The following EXT1 variants were observed in gnomAD, a reference collection of about 807,000 sequenced individuals.
The protein encoded by EXT1 is exostosin-1.
EXT1 carries 20 observed loss-of-function variants against 82.5 expected under a neutral mutation model. The observed-to-expected ratio is 0.24, with a 90% confidence interval of 0.17 to 0.35. The LOEUF (loss-of-function observed/expected upper bound fraction) is 0.35. EXT1 is among the 10% of genes least tolerant of loss of function. EXT1 has a pLI of 1.00. For missense variants in EXT1, 757 were observed against 936.5 expected, an observed-to-expected ratio of 0.81 and a Z score of 2.50; for synonymous variants, 348 against 350.8, an observed-to-expected ratio of 0.99 and a Z score of 0.09.
intron 1 of EXT1, among the ~76,000 whole-genome samples, chr8:117,889,603 G>A (rs2129939743): frequency 6.6e-6 from 1 of 152,274 alleles, no homozygotes; most frequent in South Asian, 2.1e-4. Flanking sequence ...TGATATGCAA[G>A]TACCTAAAGG....
chr8:117,983,889 C>G (rs1259149511), intron 1 of EXT1, among the ~76,000 whole-genome samples: 1 of 152,216 alleles, frequency 6.6e-6, no homozygotes, highest in African/African-American at 2.4e-5. Flanking sequence ...ATCTCTCTGA[C>G]TACCCTGTTT....
At chr8:118,003,017 A>G (rs897342667) in intron 1 of EXT1, among the ~76,000 whole-genome samples, 1 of 152,096 alleles carries the variant, frequency 6.6e-6, no homozygotes, top group African/African-American at 2.4e-5. Flanking sequence ...AATGTTTTAT[A>G]TGTGTATATA....
chr8:117,863,261 C>T (rs921552867), intron 1 of EXT1, among the ~76,000 whole-genome samples: 3 of 116,780 alleles, frequency 2.6e-5, no homozygotes, highest in Non-Finnish European at 6.3e-5. Flanking sequence ...GTGACTTGCC[C>T]CCAGACACAC....
chr8:117,869,389 T>A (rs796105991), intron 1 of EXT1, among the ~76,000 whole-genome samples: 6 of 152,344 alleles, frequency 3.9e-5, no homozygotes, highest in African/African-American at 1.4e-4. Context: ...GCTAAGGGGC[T>A]GGCAGACAGG....
chr8:118,075,078 T>A (rs1817183031), intron 1 of EXT1, among the ~76,000 whole-genome samples: 1 of 152,212 alleles, frequency 6.6e-6, no homozygotes, highest in African/African-American at 2.4e-5. Flanking sequence ...CTCCTACAAT[T>A]TTTTGTCTCA....
At chr8:118,033,369 T>C (rs1816367163) in intron 1 of EXT1, among the ~76,000 whole-genome samples, 2 of 152,242 alleles carry the variant, frequency 1.3e-5, no homozygotes, top group South Asian at 4.1e-4. Context: ...ATGTACATAC[T>C]GTGTTCAGAT....
intron 1 of EXT1, among the ~76,000 whole-genome samples, chr8:117,976,686 G>A (rs1440807360): frequency 6.6e-6 from 1 of 152,148 alleles, no homozygotes; most frequent in African/African-American, 2.4e-5. Context: ...AAATTCATAC[G>A]GTTGCACATT....
At chr8:117,913,116 G>T (rs1458542346) in intron 1 of EXT1, among the ~76,000 whole-genome samples, 1 of 152,120 alleles carries the variant, frequency 6.6e-6, no homozygotes, top group African/African-American at 2.4e-5. Context: ...CAGCTACTTG[G>T]AAGGCTGAGG....
At chr8:117,808,095 G>C (rs971021602) in intron 8 of EXT1, among the ~76,000 whole-genome samples, 1 of 152,150 alleles carries the variant, frequency 6.6e-6, no homozygotes, top group African/African-American at 2.4e-5. Flanking sequence ...GCCCAAAGCA[G>C]GTGCTTCTGA....
chr8:117,936,181 C>A (rs191082939), intron 1 of EXT1, among the ~76,000 whole-genome samples: 2 of 152,296 alleles, frequency 1.3e-5, no homozygotes, highest in African/African-American at 4.8e-5. Flanking sequence ...TCCATGTTCT[C>A]CTCACCAACA....
At chr8:118,018,143 A>G (rs567045729) in intron 1 of EXT1, among the ~76,000 whole-genome samples, 33 of 152,324 alleles carry the variant, frequency 2.2e-4, no homozygotes, top group African/African-American at 7.7e-4. Context: ...TGCAAAATTC[A>G]TAAGTTGAAG....
intron 1 of EXT1, among the ~76,000 whole-genome samples, chr8:117,918,659 A>G (rs892742387): frequency 6.6e-6 from 1 of 152,160 alleles, no homozygotes; most frequent in Non-Finnish European, 1.5e-5. Flanking sequence ...GCCACACTGT[A>G]AGGAAGTCCA....
intron 1 of EXT1, among the ~76,000 whole-genome samples, chr8:117,853,804 CA>C (rs1812495285): frequency 6.6e-6 from 1 of 152,188 alleles, no homozygotes; most frequent in African/African-American, 2.4e-5. Flanking sequence ...AATTAAAAGC[CA>C]AATTCCCTAA....
chr8:117,956,105 A>AT (rs887673379), intron 1 of EXT1, among the ~76,000 whole-genome samples: 6 of 152,152 alleles, frequency 3.9e-5, no homozygotes, highest in African/African-American at 1.4e-4. Flanking sequence ...TATTTTAAGC[A>AT]TTATTAATGA....
chr8:118,030,335 G>A (rs1382358155), intron 1 of EXT1, among the ~76,000 whole-genome samples: 1 of 151,858 alleles, frequency 6.6e-6, no homozygotes, highest in East Asian at 1.9e-4. Flanking sequence ...ACACTGAAGT[G>A]ACAAATAAAT....
chr8:117,957,501 C>T (rs1046757138), intron 1 of EXT1, among the ~76,000 whole-genome samples: 1 of 152,192 alleles, frequency 6.6e-6, no homozygotes, highest in Non-Finnish European at 1.5e-5. Flanking sequence ...CAACGGGAGA[C>T]AGACACTGAA....
Position 118,110,893 on chromosome 8 carries a change from C to A in EXT1, c.154G>T (p.Asp52Tyr), listed in dbSNP as rs371717237. 2.5e-6 allele frequency: 4 copies of A among 1,613,770 alleles called. No homozygotes were observed. The highest frequency in any genetic ancestry group is 3.4e-6 in the Non-Finnish European group (4 of 1,179,858). ...GRNGLHHPSP[D>Y]HFWPRFPDAL... is the part of the protein sequence containing the mutation. ...TCCGGGAAGCGGGGCCAGAAATGAT[C>A]CGGACTGGGGTGGTGCAAGCCATTC... Residue 52 changes from aspartate to tyrosine, a missense_variant, in exon 1 of 11, where the codon GAT (aspartate) becomes TAT (tyrosine). By Grantham distance (160) the Asp-to-Tyr change is radical. This residue lies in a region of EXT1 where 175 missense variants were observed against 159.0 expected (regional missense o/e 1.10). Coordinates refer to ENST00000378204, the MANE Select transcript of EXT1 (RefSeq NM_000127.3).
intron 1 of EXT1, among the ~76,000 whole-genome samples, chr8:117,928,437 C>T (rs892897334): frequency 6.6e-6 from 1 of 152,112 alleles, no homozygotes; most frequent in Non-Finnish European, 1.5e-5. Context: ...AAATTATGTC[C>T]CACTAGGCAC....
intron 1 of EXT1, among the ~76,000 whole-genome samples, chr8:117,904,840 T>A (rs59529135): frequency 0.051 from 7,584 of 149,634 alleles, 625 homozygotes; most frequent in African/African-American, 0.17. Flanking sequence ...ACAGAGAAAT[T>A]GGAAAAAAAA....
Sources: allele counts gnomAD v4.1 joint callset (sites outside exome capture counted in the v4.1 genomes callset), GRCh38; gene constraint gnomAD v4.1.1; regional missense constraint gnomAD v4.1.1; transcripts MANE v1.5; gene names NCBI Gene and HGNC (gene_info 2026-07-23, HGNC 2026-07-21).